The following PROM1 variants were observed in gnomAD, a reference collection of about 807,000 sequenced individuals.
The protein encoded by PROM1 is prominin-1.
PROM1 carries 105 observed loss-of-function variants against 116.9 expected under a neutral mutation model. The ratio of observed to expected loss-of-function variants is 0.90; its 90% CI spans 0.77 to 1.06. The LOEUF (loss-of-function observed/expected upper bound fraction) is 1.06. Ranked by LOEUF, PROM1 falls within the 50% of genes least tolerant of loss-of-function variation. PROM1 has a pLI of 0.00. For synonymous variants in PROM1, 393 were observed against 387.0 expected, an observed-to-expected ratio of 1.02 and a Z score of -0.18; for missense variants, 1,122 against 1,045.2, an observed-to-expected ratio of 1.07 and a Z score of -1.01.
rs752715619 is a variant in PROM1, at chr4:16,038,973, T to C, written c.249A>G (p.Ala83=). 3 of 1,506,176 alleles carry C rather than the reference T, an allele frequency of 2.0e-6. No homozygotes were observed. The highest frequency in any genetic ancestry group is 2.8e-5 in the South Asian group (2 of 72,058). The allele number at this position is 1,506,176 out of a possible 1,614,324, so 93.3% of individuals were successfully genotyped here. ...TGTCATAATCAATTTTGGATTCATATGCCTTCTGTAAGAATTTTCTCAAAG... is the reference window on the plus strand; with the variant it reads ...TGTCATAATCAATTTTGGATTCATACGCCTTCTGTAAGAATTTTCTCAAAG... The part of the protein sequence containing the change: ...EDTLRKFLQK[A]YESKIDYDKP... The change falls in exon 3 of 28, where the codon GCA becomes GCG. Residue 83 remains alanine (A), a synonymous_variant. Transcript: ENST00000447510.
At position 15,991,930 on chromosome 4, in the gene PROM1, G is replaced by A. The variant is rs1221522270; in HGVS notation, c.1911+318C>T. Among the ~76,000 whole-genome samples, 121 of 72,718 alleles carry A rather than the reference G, an allele frequency of 1.7e-3. 1 individual carries two copies. Among genetic ancestry groups the A allele is most frequent in the African/African-American group, 7.3e-3 (114 of 15,546 alleles). 47.7% of individuals were successfully genotyped at this position (72,718 alleles called of 152,430 possible). On this transcript the variant is annotated intron_variant, in intron 17 of 27. Transcript: ENST00000447510. ...CAGCCTGGTGACAGAGCGAGACTCC[G>A]TCTCAAAAAAAAAAAAAAAAAAAAA... is the stretch of plus-strand genomic sequence containing the variant.
intron 13 of PROM1, among the ~76,000 whole-genome samples, chr4:16,001,106 G>C (rs1278212820): frequency 6.6e-6 from 1 of 152,214 alleles, no homozygotes; most frequent in Non-Finnish European, 1.5e-5. Context: ...GGCCCATGAG[G>C]GTGGCCTAAG....
At chr4:16,011,203 C>T (rs971909618) in intron 11 of PROM1, among the ~76,000 whole-genome samples, 24 of 152,146 alleles carry the variant, frequency 1.6e-4, no homozygotes, top group Non-Finnish European at 2.8e-4. Flanking sequence ...CTCTCGATGT[C>T]CCCTTTTCCA....
intron 19 of PROM1, among the ~76,000 whole-genome samples, chr4:15,988,602 G>T (rs1720109726): frequency 6.6e-6 from 1 of 152,198 alleles, no homozygotes; most frequent in Admixed American, 6.5e-5. Flanking sequence ...CCAACCCCTG[G>T]TTTAGATCAT....
intron 20 of PROM1, 111 bp from the exon 21 acceptor site, chr4:15,986,148 G>C: frequency 1.4e-6 from 1 of 726,022 alleles, no homozygotes; most frequent in South Asian, 2.0e-5. Context: ...CCACGACCTG[G>C]ACCTGCTAGT....
At chr4:15,979,152 T>G (rs146147529) in intron 26 of PROM1, among the ~76,000 whole-genome samples, 1 of 152,226 alleles carries the variant, frequency 6.6e-6, no homozygotes, top group African/African-American at 2.4e-5. Flanking sequence ...CAGCCATACA[T>G]AGCATTTTAA....
intron 1 of PROM1, among the ~76,000 whole-genome samples, chr4:16,077,087 G>A (rs1744124120): frequency 6.6e-6 from 1 of 152,348 alleles, no homozygotes; most frequent in Admixed American, 6.5e-5. Flanking sequence ...CACCCGTAAA[G>A]GGTCTGTGCT....
intron 2 of PROM1, among the ~76,000 whole-genome samples, chr4:16,070,269 A>G (rs1742516601): frequency 6.6e-6 from 1 of 152,132 alleles, no homozygotes; most frequent in African/African-American, 2.4e-5. Flanking sequence ...TTTCATCTCA[A>G]ATCCCACTGG....
chr4:16,012,171 AT>A lies in PROM1; in HGVS notation c.1141+1103del, dbSNP rs558283024. 2.4e-3 allele frequency among the ~76,000 whole-genome samples: 366 copies of A among 152,058 alleles called. 1 individual carries two copies. Among genetic ancestry groups the A allele is most frequent in the African/African-American group, 8.4e-3 (350 of 41,478 alleles). On this transcript the variant is annotated intron_variant, in intron 11 of 27. Transcript: ENST00000447510. ...ACAACCATGCCTGGCTAATTTTTGTATTTTTAGTAGAGATGGGGTCTCACCA... is the reference window on the plus strand; with the variant it reads ...ACAACCATGCCTGGCTAATTTTTGTATTTTAGTAGAGATGGGGTCTCACCA...
intron 26 of PROM1, among the ~76,000 whole-genome samples, chr4:15,977,422 C>A (rs116531912): frequency 1.3e-5 from 2 of 152,106 alleles, no homozygotes; most frequent in South Asian, 2.1e-4. Context: ...CATGCTACAC[C>A]GCAAAAAGGA....
At chr4:15,999,200 T>C (rs140021506) in intron 14 of PROM1, among the ~76,000 whole-genome samples, 3 of 151,222 alleles carry the variant, frequency 2.0e-5, no homozygotes, top group Non-Finnish European at 4.4e-5. Context: ...GGCCGGGCGC[T>C]GTGGCTCACG....
At position 15,989,717 on chromosome 4, in the gene PROM1, GTCGT is replaced by G. The variant is rs1335058643; in HGVS notation, c.2076+11_2076+14del. 15 of 1,571,714 alleles carry G rather than the reference GTCGT, an allele frequency of 9.5e-6. No individual in the cohort carries two copies. Among genetic ancestry groups the G allele is most frequent in the Non-Finnish European group, 1.3e-5 (15 of 1,149,436 alleles). ...CTCAGGTCACAGTGAAATACAATAC[GTCGT>G]TGACTGTTACCAGTGATTGTTCTAT... On this transcript the variant is annotated intron_variant, in intron 19 of 27. Coordinates refer to ENST00000447510, the MANE Select transcript of PROM1 (RefSeq NM_006017.3).
At chr4:16,046,863 C>G (rs1736666822) in intron 2 of PROM1, among the ~76,000 whole-genome samples, 1 of 152,160 alleles carries the variant, frequency 6.6e-6, no homozygotes, top group East Asian at 1.9e-4. Context: ...TCATTTGATT[C>G]TTCGGTGACT....
At chr4:16,000,368 C>T in intron 14 of PROM1, 128 bp downstream of exon 14, 1 of 760,236 alleles carries the variant, frequency 1.3e-6, no homozygotes, top group South Asian at 6.0e-5. Context: ...TTAATAATTT[C>T]AAGAAATTTA....
chr4:16,007,622 T>C (rs182509443), intron 12 of PROM1, among the ~76,000 whole-genome samples: 2 of 152,226 alleles, frequency 1.3e-5, no homozygotes, highest in African/African-American at 4.8e-5. Flanking sequence ...CAGAAAACTT[T>C]TAGAGTTAAA....
In PROM1 at chr4:16,059,592, T is replaced by A. The variant is rs115960573; in HGVS notation, c.220+16095A>T. 4.4e-3 allele frequency among the ~76,000 whole-genome samples: 675 copies of A among 152,152 alleles called. 4 individuals are homozygous for A. Among genetic ancestry groups the A allele is most frequent in the African/African-American group, 0.016 (646 of 41,500 alleles). ...GGGTGGTGCATGCCTGTGTTCCAGC[T>A]ACTGGAGAGGCTAAGGTGGGAGGAT... On this transcript the variant is annotated intron_variant, in intron 2 of 27. Transcript: ENST00000447510.
Position 16,023,326 on chromosome 4 carries a change from C to G in PROM1, c.784G>C (p.Ala262Pro), listed in dbSNP as rs755931693. 6.3e-7 allele frequency: 1 copy of G among 1,597,700 alleles called. No individual in the cohort carries two copies. The highest frequency in any genetic ancestry group is 8.6e-7 in the Non-Finnish European group (1 of 1,169,562). ...TTGGTCATTTTTGCCCACTGCTTAC[C>G]TGTTGCCATGGACTTAATCTCATCA... ...VLDEIKSMAT[A>P]IKETKEALEN... Residue 262 changes from alanine (A) to proline (P), a missense_variant and splice_region_variant, in exon 8 of 28, where the codon GCG becomes CCG. Transcript: ENST00000447510.
At chr4:16,040,387 C>A (rs1734948086) in intron 2 of PROM1, among the ~76,000 whole-genome samples, 1 of 152,202 alleles carries the variant, frequency 6.6e-6, no homozygotes, top group Non-Finnish European at 1.5e-5. Flanking sequence ...CCCCTTCCGA[C>A]AACACAGGCT....
At chr4:16,012,666 C>A (rs1004106590) in intron 11 of PROM1, among the ~76,000 whole-genome samples, 1 of 151,848 alleles carries the variant, frequency 6.6e-6, no homozygotes, top group Non-Finnish European at 1.5e-5. Flanking sequence ...GTCAGGAGAT[C>A]GAGACCATCC....
Sources: allele counts gnomAD v4.1 joint callset (sites outside exome capture counted in the v4.1 genomes callset), GRCh38; gene constraint gnomAD v4.1.1; transcripts MANE v1.5; gene names NCBI Gene and HGNC (gene_info 2026-07-23, HGNC 2026-07-21).